Variants in RANBP17 observed in about 807,000 individuals in gnomAD.
RANBP17 encodes ran-binding protein 17.
Under a neutral mutation model 141.2 loss-of-function variants are expected in RANBP17, and 158 were observed. That is an observed-to-expected ratio of 1.12 (90% CI 0.98 to 1.28). The LOEUF is 1.28. RANBP17 is among the 50% of genes most tolerant of loss of function. The pLI is 0.00. For synonymous variants in RANBP17, 430 were observed against 450.0 expected (o/e 0.96, Z 0.56); for missense variants, 1,438 against 1,290.7 (o/e 1.11, Z -1.75).
intron 21 of RANBP17, among the ~76,000 whole-genome samples, chr5:171,215,387 T>C (rs1276003810): frequency 2.0e-5 from 3 of 152,158 alleles, no homozygotes; most frequent in African/African-American, 7.2e-5. Flanking sequence ...ATGTTTACAG[T>C]AGAATGATTT....
intron 2 of RANBP17, among the ~76,000 whole-genome samples, chr5:170,879,132 C>G (rs1329675787): frequency 6.6e-6 from 1 of 151,996 alleles, no homozygotes; most frequent in Non-Finnish European, 1.5e-5. Context: ...TAATGCTGAT[C>G]TATAATGAGA....
intron 14 of RANBP17, among the ~76,000 whole-genome samples, chr5:170,998,468 A>G (rs752004634): frequency 1.2e-4 from 18 of 152,212 alleles, no homozygotes; most frequent in Non-Finnish European, 2.6e-4. Flanking sequence ...TAGACTCTAC[A>G]TTGTCACAGT....
At chr5:171,210,983 A>G (rs1762846577) in intron 20 of RANBP17, among the ~76,000 whole-genome samples, 1 of 148,286 alleles carries the variant, frequency 6.7e-6, no homozygotes, top group Admixed American at 6.8e-5. Flanking sequence ...CCAGCCTGGC[A>G]ACAGAACAAG....
At chr5:171,105,434 C>T (rs972317134) in intron 14 of RANBP17, among the ~76,000 whole-genome samples, 1 of 147,580 alleles carries the variant, frequency 6.8e-6, no homozygotes, top group African/African-American at 2.5e-5. Context: ...TGGTGGCTCA[C>T]ACCTGTAATC....
intron 12 of RANBP17, among the ~76,000 whole-genome samples, chr5:170,933,087 G>C (rs1252523468): frequency 6.6e-6 from 1 of 152,142 alleles, no homozygotes; most frequent in Non-Finnish European, 1.5e-5. Context: ...CTCAATTTCA[G>C]AACCTGTTAT....
intron 14 of RANBP17, among the ~76,000 whole-genome samples, chr5:171,064,143 G>A (rs150651480): frequency 0.027 from 4,124 of 152,290 alleles, 179 homozygotes; most frequent in African/African-American, 0.093. Flanking sequence ...GCCCTGCTTC[G>A]GCTCACACAC....
In RANBP17 at chr5:171,202,303, C is replaced by T. The variant is rs191809311; in HGVS notation, c.2142+2530C>T. On this transcript the variant is annotated intron_variant, in intron 19 of 27. Coordinates refer to ENST00000523189, the MANE Select transcript of RANBP17 (RefSeq NM_022897.5). The stretch of plus-strand genomic sequence containing the variant: ...ACTCTTTCAAAACGTATGTTTCCCC[C>T]TATAATTATGTCCATGGTAAAATAT... 5.9e-5 allele frequency among the ~76,000 whole-genome samples: 9 copies of T among 152,252 alleles called. No homozygotes were observed. In the East Asian group the frequency reaches 1.4e-3, roughly 23 times the overall value.
At chr5:171,223,013 A>G (rs980674408) in intron 22 of RANBP17, among the ~76,000 whole-genome samples, 1 of 152,198 alleles carries the variant, frequency 6.6e-6, no homozygotes, top group Non-Finnish European at 1.5e-5. Flanking sequence ...GTGTTTGTGT[A>G]TGTATGTAAG....
intron 14 of RANBP17, among the ~76,000 whole-genome samples, chr5:170,999,941 T>C (rs1041900103): frequency 6.6e-6 from 1 of 152,214 alleles, no homozygotes; most frequent in African/African-American, 2.4e-5. Flanking sequence ...ATTCTAGTTA[T>C]TGTCTCAGTG....
intron 14 of RANBP17, among the ~76,000 whole-genome samples, chr5:171,168,464 C>G (rs778927194): frequency 4.6e-5 from 7 of 152,096 alleles, no homozygotes; most frequent in Non-Finnish European, 1.0e-4. Context: ...TGCCATTAAT[C>G]ATGTCGATGC....
At chr5:171,293,328 T>C (rs901053077) in intron 25 of RANBP17, among the ~76,000 whole-genome samples, 3 of 152,212 alleles carry the variant, frequency 2.0e-5, no homozygotes, top group African/African-American at 7.2e-5. Flanking sequence ...ATGAGTAATG[T>C]ACATGTAGGA....
At chr5:171,059,306 T>A (rs924165525) in intron 14 of RANBP17, among the ~76,000 whole-genome samples, 1 of 152,308 alleles carries the variant, frequency 6.6e-6, no homozygotes, top group South Asian at 2.1e-4. Flanking sequence ...GGTCTAACAT[T>A]TAAGTCTTGA....
intron 14 of RANBP17, among the ~76,000 whole-genome samples, chr5:171,142,886 T>G (rs1757795615): frequency 6.6e-6 from 1 of 152,220 alleles, no homozygotes; most frequent in African/African-American, 2.4e-5. Context: ...GACCTTGAGC[T>G]CTTAAGTACA....
intron 14 of RANBP17, among the ~76,000 whole-genome samples, chr5:171,005,357 C>T (rs2127582376): frequency 6.6e-6 from 1 of 152,266 alleles, no homozygotes; most frequent in Non-Finnish European, 1.5e-5. Flanking sequence ...TACAAGGCTA[C>T]AGTAACCAAA....
intron 19 of RANBP17, among the ~76,000 whole-genome samples, chr5:171,205,241 T>G (rs1168134641): frequency 6.6e-6 from 1 of 152,210 alleles, no homozygotes; most frequent in Non-Finnish European, 1.5e-5. Context: ...ATCTTTTTTT[T>G]CAGATTTGGC....
chr5:171,154,938 A>T (rs1472743540), intron 14 of RANBP17, among the ~76,000 whole-genome samples: 4 of 151,558 alleles, frequency 2.6e-5, no homozygotes, highest in Non-Finnish European at 4.4e-5. Flanking sequence ...TTAGCCGGGC[A>T]TGGTGGCGGG....
chr5:171,289,457 G>A (rs1389551614), intron 25 of RANBP17, among the ~76,000 whole-genome samples: 1 of 152,194 alleles, frequency 6.6e-6, no homozygotes, highest in Non-Finnish European at 1.5e-5. Flanking sequence ...TTTAAATTGG[G>A]CATTTCGGCC....
At chr5:171,071,653 C>CAAAAAAAAAA (rs34555837) in intron 14 of RANBP17, among the ~76,000 whole-genome samples, 1 of 69,642 alleles carries the variant, frequency 1.4e-5, no homozygotes, top group Non-Finnish European at 2.5e-5. Context: ...CAGCTTTATG[C>CAAAAAAAAAA]AAAAAAAAAA....
intron 14 of RANBP17, among the ~76,000 whole-genome samples, chr5:171,086,417 A>G (rs1581595731): frequency 6.6e-6 from 1 of 151,794 alleles, no homozygotes; most frequent in African/African-American, 2.4e-5. Context: ...ATATTGGTCT[A>G]AAATTCTCTT....
Sources: allele counts gnomAD v4.1 joint callset (sites outside exome capture counted in the v4.1 genomes callset), GRCh38; gene constraint gnomAD v4.1.1; transcripts MANE v1.5; gene names NCBI Gene and HGNC (gene_info 2026-07-23, HGNC 2026-07-21).